The following ZNRF3 variants were observed in gnomAD, a reference collection of about 807,000 sequenced individuals.
ZNRF3 encodes the protein E3 ubiquitin-protein ligase ZNRF3.
ZNRF3 carries 23 observed loss-of-function variants against 72.5 expected under a neutral mutation model. That is an observed-to-expected ratio of 0.32 (90% confidence interval 0.23 to 0.45). The LOEUF is 0.45. ZNRF3 is among the 20% of genes least tolerant of loss of function. The pLI, the probability that ZNRF3 is intolerant of heterozygous loss-of-function variation, is 1.00. For synonymous variants in ZNRF3, 610 were observed against 545.3 expected, an observed-to-expected ratio of 1.12 and a Z score of -1.65; for missense variants, 1,169 against 1,272.1, an observed-to-expected ratio of 0.92 and a Z score of 1.23.
At chr22:29,044,926 C>G in intron 5 of ZNRF3, 36 bp downstream of exon 5, 2 of 1,465,876 alleles carry the variant, frequency 1.4e-6, no homozygotes, top group Non-Finnish European at 1.9e-6. Context: ...AGCAGTAACC[C>G]CTCTTGCCGT....
At position 29,048,773 on chromosome 22, in the gene ZNRF3, C is replaced by G. The variant is rs1339646027; in HGVS notation, c.1015+282C>G. Among the ~76,000 whole-genome samples, 1 of 152,218 alleles carries G rather than the reference C, an allele frequency of 6.6e-6. No individual in the cohort carries two copies. The highest frequency in any genetic ancestry group is 1.9e-4 in the East Asian group (1 of 5,198). On this transcript the variant is annotated intron_variant, in intron 7 of 8. Coordinates refer to ENST00000544604, the MANE Select transcript of ZNRF3 (RefSeq NM_001206998.2). The surrounding 1 kb of genome is among the most constrained non-coding windows in gnomAD (Gnocchi z 4.9). The stretch of plus-strand genomic sequence containing the variant: ...CTGAGGCCCCTAATCTCTTTAGTGG[C>G]AATGACAGTAATGGTGTTTGCCCAC...
chr22:28,944,921 G>A (rs1334100243), intron 1 of ZNRF3, among the ~76,000 whole-genome samples: 4 of 129,382 alleles, frequency 3.1e-5, no homozygotes, highest in Non-Finnish European at 4.9e-5. Flanking sequence ...GCGAGACTCC[G>A]TCTCCAAATA....
chr22:28,937,195 ATATATATATATATATATATATTTTTTTTT>A (rs552292922), intron 1 of ZNRF3, among the ~76,000 whole-genome samples: 5,706 of 91,120 alleles, frequency 0.063, 396 homozygotes, highest in East Asian at 0.3. Context: ...ATATATATAT[ATATATATATATATATATATATTTTTTTTT>A]TTTTTTTTTT....
intron 1 of ZNRF3, among the ~76,000 whole-genome samples, chr22:28,945,149 CA>C (rs781088280): frequency 0.026 from 2,221 of 86,750 alleles, 44 homozygotes; most frequent in African/African-American, 0.075. Flanking sequence ...GACCCTGTCT[CA>C]AAAAAAAAAA....
chr22:28,911,337 A>G (rs1407613278), intron 1 of ZNRF3, among the ~76,000 whole-genome samples: 1 of 152,170 alleles, frequency 6.6e-6, no homozygotes, highest in East Asian at 1.9e-4. Flanking sequence ...GGTGATGTCT[A>G]TGTGCATGAC....
intron 2 of ZNRF3, among the ~76,000 whole-genome samples, chr22:28,992,309 G>T (rs2035971157): frequency 1.3e-5 from 2 of 152,006 alleles, no homozygotes; most frequent in Admixed American, 6.6e-5. Context: ...CTGTTGAGCA[G>T]AAAGAGGAAT....
At chr22:28,950,283 G>A (rs2035136761) in intron 1 of ZNRF3, among the ~76,000 whole-genome samples, 1 of 152,130 alleles carries the variant, frequency 6.6e-6, no homozygotes, top group African/African-American at 2.4e-5. Context: ...CCCTGCCCTG[G>A]GCTTGCAGAT....
At chr22:29,043,537 A>G (rs2037008421) in intron 4 of ZNRF3, 107 bp downstream of exon 4, 1 of 1,408,408 alleles carries the variant, frequency 7.1e-7, no homozygotes, top group African/African-American at 1.4e-5. Context: ...ATGCTGGCAT[A>G]CCCCAGGTTC....
intron 1 of ZNRF3, among the ~76,000 whole-genome samples, chr22:28,914,536 C>T (rs1374254916): frequency 2.7e-5 from 4 of 147,152 alleles, no homozygotes; most frequent in Admixed American, 6.8e-5. Context: ...AGTTGGAGGC[C>T]GGGCACGGTG....
chr22:29,005,211 C>G (rs953812255), intron 2 of ZNRF3, among the ~76,000 whole-genome samples: 1 of 152,244 alleles, frequency 6.6e-6, no homozygotes, highest in Admixed American at 6.5e-5. Flanking sequence ...AGCGGCTCCT[C>G]CAAGCCAGGC....
chr22:29,038,110 G>A (rs1028540007), intron 2 of ZNRF3, among the ~76,000 whole-genome samples: 1 of 152,138 alleles, frequency 6.6e-6, no homozygotes, highest in Non-Finnish European at 1.5e-5. Context: ...AGTTTTGGAC[G>A]TTAAGTATGT....
In ZNRF3 at chr22:29,049,671, G is replaced by T; in HGVS notation, c.1490G>T (p.Arg497Leu). The change falls in exon 8 of 9, where the codon CGT becomes CTT. Residue 497 changes from arginine (R) to leucine (L), a missense_variant. Coordinates refer to ENST00000544604, the MANE Select transcript of ZNRF3 (RefSeq NM_001206998.2). This position sits in a 1 kb window ranked among gnomAD's most constrained non-coding sequence, Gnocchi z 5.2. ...PPSLAPRGPA[R>L]AFPPSGSGSL... ...AGCCTCGCACCCCGGGGCCCGGCCC[G>T]TGCCTTTCCTCCGAGCGGCAGTGGC... 6.2e-7 allele frequency: 1 copy of T among 1,608,732 alleles called. No individual in the cohort carries two copies.
chr22:28,901,635 C>CTTTT (rs132532), intron 1 of ZNRF3, among the ~76,000 whole-genome samples: 1 of 74,826 alleles, frequency 1.3e-5, no homozygotes, highest in African/African-American at 4.9e-5. Context: ...ATGGATGGAC[C>CTTTT]TTTTTTTTTT....
chr22:29,002,380 AAGTT>A (rs758819686), intron 2 of ZNRF3, among the ~76,000 whole-genome samples: 3 of 152,202 alleles, frequency 2.0e-5, no homozygotes, highest in Non-Finnish European at 4.4e-5. Flanking sequence ...CATCAAATCT[AAGTT>A]AGGGCAGATA....
chr22:28,947,218 G>A (rs1379773497), intron 1 of ZNRF3, among the ~76,000 whole-genome samples: 2 of 152,146 alleles, frequency 1.3e-5, no homozygotes, highest in Non-Finnish European at 2.9e-5. Flanking sequence ...TTACTGAGTA[G>A]TATTTCATTG....
intron 1 of ZNRF3, among the ~76,000 whole-genome samples, chr22:28,929,162 A>G (rs2034661315): frequency 1.3e-5 from 2 of 152,254 alleles, no homozygotes; most frequent in Admixed American, 1.3e-4. Flanking sequence ...TAAGAATACC[A>G]GGAAGCCAGC....
At position 29,003,092 on chromosome 22, in the gene ZNRF3, C is replaced by G. The variant is rs1286413549; in HGVS notation, c.426+15891C>G. Among the ~76,000 whole-genome samples the G allele has an allele frequency of 2.6e-5, 4 of 152,308 alleles. No homozygotes were observed. The East Asian group carries it at 7.7e-4, about 29-fold the overall frequency. On this transcript the variant is annotated intron_variant, in intron 2 of 8. Transcript: ENST00000544604. ...TTTCCTGTTATAAGATATTCAGTCT[C>G]TCTGCAGATATAATGCAATTGGCTT...
intron 1 of ZNRF3, among the ~76,000 whole-genome samples, chr22:28,943,810 T>C (rs2034996150): frequency 1.3e-5 from 2 of 152,222 alleles, no homozygotes; most frequent in South Asian, 4.1e-4. Flanking sequence ...TTTTAACACA[T>C]TTATTTTCTC....
intron 1 of ZNRF3, among the ~76,000 whole-genome samples, chr22:28,982,582 A>T (rs998373002): frequency 6.6e-6 from 1 of 151,314 alleles, no homozygotes; most frequent in African/African-American, 2.4e-5. Context: ...AAAAAAAAAA[A>T]AGTGTTAACA....
Sources: gnomAD v4.1 joint callset for allele counts (sites outside exome capture counted in the v4.1 genomes callset) on GRCh38, gnomAD v4.1.1 for gene constraint, Gnocchi (gnomAD v3.1) non-coding constraint, MANE v1.5 for transcripts, NCBI Gene and HGNC (gene_info 2026-07-23, HGNC 2026-07-21) for gene names.